PLPPR5: variants seen among roughly 807,000 people sequenced by gnomAD.
PLPPR5 encodes phospholipid phosphatase-related protein type 5.
A neutral mutation model predicts 33.9 loss-of-function variants in PLPPR5; 16 were observed. That is an observed-to-expected ratio of 0.47 (90% CI 0.32 to 0.72). The LOEUF is 0.72. Among genes scored for constraint, PLPPR5 ranks in the 30% least tolerant of loss-of-function variants. The pLI, the probability that PLPPR5 is intolerant of heterozygous loss-of-function variation, is 0.03. For synonymous variants in PLPPR5, 163 were observed against 150.3 expected, an observed-to-expected ratio of 1.08 and a Z score of -0.62; for missense variants, 301 against 406.7, an observed-to-expected ratio of 0.74 and a Z score of 2.23.
chr1:98,940,644 A>G (rs1650337263), intron 3 of PLPPR5, among the ~76,000 whole-genome samples: 1 of 151,920 alleles, frequency 6.6e-6, no homozygotes, highest in Non-Finnish European at 1.5e-5. Context: ...CCAGTGGCAA[A>G]GTGCAGAATG....
intron 3 of PLPPR5, among the ~76,000 whole-genome samples, chr1:98,944,499 CA>C (rs1443809349): frequency 6.6e-6 from 1 of 152,210 alleles, no homozygotes; most frequent in African/African-American, 2.4e-5. Context: ...TGTGAGGGCA[CA>C]ATGACTAGAC....
intron 4 of PLPPR5, among the ~76,000 whole-genome samples, chr1:98,917,846 C>T (rs571536380): frequency 4.4e-4 from 67 of 152,278 alleles, no homozygotes; most frequent in African/African-American, 1.5e-3. Flanking sequence ...TGCAAAGATG[C>T]TCTTTTTTGC....
intron 3 of PLPPR5, among the ~76,000 whole-genome samples, chr1:98,947,615 A>C (rs1185594288): frequency 6.6e-6 from 1 of 152,228 alleles, no homozygotes; most frequent in Non-Finnish European, 1.5e-5. Flanking sequence ...AGATTTTAAA[A>C]CACGCAGTTC....
chr1:98,914,531 C>T (rs1649266948), intron 5 of PLPPR5, among the ~76,000 whole-genome samples: 1 of 152,074 alleles, frequency 6.6e-6, no homozygotes, highest in South Asian at 2.1e-4. Context: ...AAGTGATCTG[C>T]CTGCCTTGGC....
At position 98,914,912 on chromosome 1, in the gene PLPPR5, G is replaced by A. The variant is rs774066694; in HGVS notation, c.807C>T (p.Cys269=). 3.2e-5 allele frequency: 51 copies of A among 1,609,488 alleles called. No homozygotes were observed. In the East Asian group the frequency reaches 7.6e-4, roughly 24 times the overall value. ...GTCTCCCTTTGAAATTATTCACCAC[G>A]CACACAACCTAAAATTTCAGAAGAC... ...GISIAVFLVV[C]VVNNFKGRQA... The change falls in exon 5 of 6, where the codon TGC becomes TGT. Residue 269 remains cysteine (C), a synonymous_variant. Coordinates refer to ENST00000263177, the MANE Select transcript of PLPPR5 (RefSeq NM_001037317.2).
chr1:98,971,956 A>T (rs911497661), intron 1 of PLPPR5, among the ~76,000 whole-genome samples: 3 of 152,074 alleles, frequency 2.0e-5, no homozygotes, highest in African/African-American at 7.2e-5. Flanking sequence ...GACTGGTGAC[A>T]ACAATTCAGA....
intron 1 of PLPPR5, among the ~76,000 whole-genome samples, chr1:99,000,887 C>A (rs1652812783): frequency 6.6e-6 from 1 of 152,086 alleles, no homozygotes. Flanking sequence ...GCCTTTATAA[C>A]CTCTACTCAG....
At chr1:98,993,792 T>C (rs1008465299) in intron 1 of PLPPR5, among the ~76,000 whole-genome samples, 3 of 152,032 alleles carry the variant, frequency 2.0e-5, no homozygotes, top group Admixed American at 6.6e-5. Context: ...GAGAAAATGC[T>C]AAATATGAAA....
At chr1:98,923,715 G>T (rs949743870) in intron 3 of PLPPR5, among the ~76,000 whole-genome samples, 1 of 152,182 alleles carries the variant, frequency 6.6e-6, no homozygotes, top group Admixed American at 6.5e-5. Context: ...TCGGAGCTGG[G>T]TCTGTGTGTC....
At chr1:98,936,763 G>A (rs543742212) in intron 3 of PLPPR5, among the ~76,000 whole-genome samples, 169 of 152,340 alleles carry the variant, frequency 1.1e-3, no homozygotes, top group African/African-American at 3.9e-3. Flanking sequence ...CCTATGCTTT[G>A]TGTAGGCACA....
intron 4 of PLPPR5, among the ~76,000 whole-genome samples, chr1:98,917,518 G>C (rs1649402533): frequency 6.6e-6 from 1 of 152,112 alleles, no homozygotes; most frequent in African/African-American, 2.4e-5. Flanking sequence ...TGTAAACTCT[G>C]GCCCAGCCCC....
At chr1:98,908,019 G>A (rs114715946) in intron 5 of PLPPR5, among the ~76,000 whole-genome samples, 1,707 of 152,262 alleles carry the variant, frequency 0.011, 41 homozygotes, top group African/African-American at 0.039. Flanking sequence ...CCTAATCCAA[G>A]GACAGCTTCT....
Position 98,915,002 on chromosome 1 carries a change from A to G in PLPPR5, c.799-82T>C, listed in dbSNP as rs1649292407. 6 of 1,276,208 alleles carry G rather than the reference A, an allele frequency of 4.7e-6. No individual in the cohort carries two copies. In the Admixed American group the frequency reaches 1.4e-4, roughly 29 times the overall value. 79.1% of individuals were successfully genotyped at this position (1,276,208 alleles called of 1,614,324 possible). On this transcript the variant is annotated intron_variant, in intron 4 of 5. Coordinates refer to ENST00000263177, the MANE Select transcript of PLPPR5 (RefSeq NM_001037317.2). ...GCCTTTTGAGGAGCTTAATAAAGCTAAGCATGTAAGAAAGTATTAAAATTA... is the reference window on the plus strand; with the variant it reads ...GCCTTTTGAGGAGCTTAATAAAGCTGAGCATGTAAGAAAGTATTAAAATTA...
rs142199413 is a variant in PLPPR5 at position 98,894,493 on chromosome 1, T to G, written c.934-1389A>C. Among the ~76,000 whole-genome samples, 620 of 152,222 alleles carry G rather than the reference T, an allele frequency of 4.1e-3. 7 individuals are homozygous for G. Among genetic ancestry groups the G allele is most frequent in the African/African-American group, 0.014 (584 of 41,546 alleles). ...GAAAATGCAATTCGATATAGAGTGTTTCAGCACAAAACCGTCATGAACATC... is the reference window on the plus strand; with the variant it reads ...GAAAATGCAATTCGATATAGAGTGTGTCAGCACAAAACCGTCATGAACATC... On this transcript the variant is annotated intron_variant, in intron 5 of 5. Coordinates refer to ENST00000263177, the MANE Select transcript of PLPPR5 (RefSeq NM_001037317.2).
intron 5 of PLPPR5, among the ~76,000 whole-genome samples, chr1:98,896,324 GCAAAGTAGTTGA>G (rs1648471190): frequency 6.6e-6 from 1 of 152,062 alleles, no homozygotes; most frequent in Non-Finnish European, 1.5e-5. Flanking sequence ...TGCCTGTGAG[GCAAAGTAGTTGA>G]CCAAGTGTTT....
intron 4 of PLPPR5, among the ~76,000 whole-genome samples, chr1:98,916,318 T>A (rs1649349795): frequency 6.6e-6 from 1 of 152,314 alleles, no homozygotes; most frequent in South Asian, 2.1e-4. Context: ...ATTTGATACC[T>A]CAACTTTGTA....
chr1:98,994,050 AG>A (rs1652546570), intron 1 of PLPPR5, among the ~76,000 whole-genome samples: 1 of 152,116 alleles, frequency 6.6e-6, no homozygotes, highest in South Asian at 2.1e-4. Context: ...AAAGATTTGA[AG>A]GAGTGGTGGG....
At chr1:98,926,447 A>AGTGTGTGTGT (rs60874366) in intron 3 of PLPPR5, among the ~76,000 whole-genome samples, 2 of 132,616 alleles carry the variant, frequency 1.5e-5, no homozygotes, top group African/African-American at 2.8e-5. Flanking sequence ...AGGTTTGATT[A>AGTGTGTGTGT]GTGTGTGTGT....
chr1:98,925,570 A>T lies in PLPPR5; in HGVS notation c.622-3512T>A, dbSNP rs529375791. Among the ~76,000 whole-genome samples the T allele has an allele frequency of 2.0e-5, 3 of 152,330 alleles. No individual in the cohort carries two copies. The East Asian group carries it at 5.8e-4, about 29-fold the overall frequency. ...TTGCTTTTACTAAAATATAATCATA[A>T]TGTCCTATTAGTCTGTAATATGCAT... On this transcript the variant is annotated intron_variant, in intron 3 of 5. Transcript: ENST00000263177.
Sources: allele counts gnomAD v4.1 joint callset (sites outside exome capture counted in the v4.1 genomes callset), GRCh38; gene constraint gnomAD v4.1.1; transcripts MANE v1.5; gene names NCBI Gene and HGNC (gene_info 2026-07-23, HGNC 2026-07-21).